The following AGBL4 variants were observed in gnomAD, a reference collection of about 807,000 sequenced individuals.
AGBL4 encodes the protein cytosolic carboxypeptidase 6.
Under a neutral mutation model 66.4 loss-of-function variants are expected in AGBL4, and 58 were observed. The observed-to-expected ratio is 0.87, with a 90% CI of 0.71 to 1.09. The LOEUF is 1.09. AGBL4 is among the 50% of genes least tolerant of loss of function. The pLI is 0.00. For missense variants in AGBL4, 579 were observed against 631.0 expected (o/e 0.92, Z 0.88); for synonymous variants, 234 against 222.9 (o/e 1.05, Z -0.44).
At chr1:49,700,786 A>G (rs1647075770) in intron 2 of AGBL4, among the ~76,000 whole-genome samples, 1 of 152,152 alleles carries the variant, frequency 6.6e-6, no homozygotes, top group South Asian at 2.1e-4. Context: ...GCACATACAT[A>G]TACATATATA....
At chr1:49,486,973 C>T (rs1196446761) in intron 3 of AGBL4, among the ~76,000 whole-genome samples, 4 of 151,916 alleles carry the variant, frequency 2.6e-5, no homozygotes. Context: ...CTCCAAATAG[C>T]TATAAATGTT....
Position 48,718,212 on chromosome 1 carries a change from G to A in AGBL4, c.635-54971C>T, listed in dbSNP as rs373624409. On this transcript the variant is annotated intron_variant, in intron 6 of 13. Transcript: ENST00000371839. The stretch of plus-strand genomic sequence containing the variant: ...CTGTGGTTTTGATTGGCCAACACTG[G>A]AAATCCCAGTAGGGTCTACTTGGCA... Among the ~76,000 whole-genome samples, 69 of 152,300 alleles carry A rather than the reference G, an allele frequency of 4.5e-4. No individual in the cohort carries two copies. The South Asian group carries it at 0.011, about 25-fold the overall frequency.
intron 3 of AGBL4, among the ~76,000 whole-genome samples, chr1:49,544,874 G>A (rs1450716636): frequency 1.3e-5 from 2 of 152,334 alleles, no homozygotes; most frequent in South Asian, 2.1e-4. Flanking sequence ...TCTCTTGAGA[G>A]AACGAGGTGA....
intron 3 of AGBL4, among the ~76,000 whole-genome samples, chr1:49,277,638 C>T (rs1242642100): frequency 1.3e-5 from 2 of 150,736 alleles, no homozygotes; most frequent in Admixed American, 1.3e-4. Context: ...TTTTTTTCAG[C>T]TCCAAAAAAT....
At chr1:48,920,012 T>C (rs1653950494) in intron 5 of AGBL4, among the ~76,000 whole-genome samples, 1 of 152,166 alleles carries the variant, frequency 6.6e-6, no homozygotes, top group South Asian at 2.1e-4. Context: ...GGATGGGGTA[T>C]GGGAAGAAGC....
chr1:49,361,567 C>G (rs1644135586), intron 3 of AGBL4, among the ~76,000 whole-genome samples: 2 of 152,152 alleles, frequency 1.3e-5, no homozygotes, highest in South Asian at 4.1e-4. Flanking sequence ...CTCAGGCAAT[C>G]CACCTGCCTC....
chr1:49,057,195 A>G (rs1299357265), intron 4 of AGBL4, among the ~76,000 whole-genome samples: 6 of 152,170 alleles, frequency 3.9e-5, no homozygotes, highest in Non-Finnish European at 8.8e-5. Flanking sequence ...GAGCTCAGGA[A>G]TTTGAGATAA....
rs967255652 is a variant in AGBL4, at chr1:48,797,977, C to A, written c.634+69214G>T. On this transcript the variant is annotated intron_variant, in intron 6 of 13. Transcript: ENST00000371839. The stretch of plus-strand genomic sequence containing the variant: ...CTTTTTCATATAATGAGTTCTTTTT[C>A]TCTGGGTAAGATACCCAGTAATAGG... 3.9e-5 allele frequency among the ~76,000 whole-genome samples: 6 copies of A among 152,136 alleles called. 1 individual carries two copies. Among genetic ancestry groups the A allele is most frequent in the South Asian group, 4.1e-4 (2 of 4,830 alleles).
At chr1:49,317,235 T>C (rs1645056261) in intron 3 of AGBL4, among the ~76,000 whole-genome samples, 1 of 151,914 alleles carries the variant, frequency 6.6e-6, no homozygotes, top group Non-Finnish European at 1.5e-5. Context: ...TGTTGTTTTG[T>C]GGTAAGAAAA....
intron 2 of AGBL4, among the ~76,000 whole-genome samples, chr1:49,790,149 C>T (rs1202692486): frequency 1.3e-5 from 2 of 152,002 alleles, no homozygotes; most frequent in African/African-American, 2.4e-5. Context: ...GAGGCCAAGG[C>T]GGGTGGATCA....
chr1:48,873,781 T>C (rs780201719), intron 5 of AGBL4, among the ~76,000 whole-genome samples: 9 of 152,164 alleles, frequency 5.9e-5, no homozygotes, highest in Non-Finnish European at 1.2e-4. Context: ...ACTCTATTTC[T>C]GTCTTGGGGA....
At chr1:49,782,780 CT>C (rs1644366751) in intron 2 of AGBL4, among the ~76,000 whole-genome samples, 1 of 152,098 alleles carries the variant, frequency 6.6e-6, no homozygotes. Context: ...TTTTTGTCTC[CT>C]TGTTCTTTTC....
In AGBL4 at chr1:49,284,246, T is replaced by C. The variant is rs369723398; in HGVS notation, c.283-38382A>G. ...CATTCTTAAAGAAAATAATTTTCAA[T>C]CCAGAATTTCATATCCAGCCAAACT... On this transcript the variant is annotated intron_variant, in intron 3 of 13. Transcript: ENST00000371839. 1.6e-3 allele frequency among the ~76,000 whole-genome samples: 243 copies of C among 151,324 alleles called. 2 individuals are homozygous for C. Among genetic ancestry groups the C allele is most frequent in the South Asian group, 9.8e-3 (47 of 4,772 alleles).
chr1:49,257,253 G>A (rs1213470276), intron 3 of AGBL4, among the ~76,000 whole-genome samples: 1 of 152,180 alleles, frequency 6.6e-6, no homozygotes, highest in Non-Finnish European at 1.5e-5. Flanking sequence ...CTTTTTGTTT[G>A]TCTGTGGCCT....
intron 4 of AGBL4, among the ~76,000 whole-genome samples, chr1:49,222,025 G>T (rs1433662952): frequency 6.6e-6 from 1 of 152,124 alleles, no homozygotes; most frequent in Non-Finnish European, 1.5e-5. Flanking sequence ...ATTAGGGCCT[G>T]TCTGAATCAT....
At chr1:49,657,504 C>A (rs907500894) in intron 3 of AGBL4, among the ~76,000 whole-genome samples, 2 of 152,168 alleles carry the variant, frequency 1.3e-5, no homozygotes, top group African/African-American at 4.8e-5. Flanking sequence ...TTGGAAAAAA[C>A]TGCTTTAAAG....
At chr1:49,733,490 T>G (rs1425205926) in intron 2 of AGBL4, among the ~76,000 whole-genome samples, 1 of 152,172 alleles carries the variant, frequency 6.6e-6, no homozygotes, top group Non-Finnish European at 1.5e-5. Flanking sequence ...ACAGGCTGGG[T>G]GGCTTGAACA....
intron 1 of AGBL4, among the ~76,000 whole-genome samples, chr1:49,895,631 A>G (rs1649120878): frequency 6.6e-6 from 1 of 152,046 alleles, no homozygotes; most frequent in Non-Finnish European, 1.5e-5. Flanking sequence ...TGTTTATGCA[A>G]GCACTATTAA....
At chr1:49,414,575 C>G (rs970974241) in intron 3 of AGBL4, among the ~76,000 whole-genome samples, 2 of 152,122 alleles carry the variant, frequency 1.3e-5, no homozygotes, top group Non-Finnish European at 2.9e-5. Flanking sequence ...TAAAACTGAT[C>G]AAAGGAATAT....
Sources: gnomAD v4.1 joint callset for allele counts (sites outside exome capture counted in the v4.1 genomes callset) on GRCh38, gnomAD v4.1.1 for gene constraint, MANE v1.5 for transcripts, NCBI Gene and HGNC (gene_info 2026-07-23, HGNC 2026-07-21) for gene names.